KDM5A: variants seen among roughly 807,000 people sequenced by gnomAD.
KDM5A encodes the protein lysine demethylase 5A, also known as lysine-specific demethylase 5A.
In KDM5A, 42 loss-of-function variants were observed where a neutral mutation model predicts 193.5. The observed-to-expected ratio is 0.22, with a 90% CI of 0.17 to 0.28. The LOEUF (loss-of-function observed/expected upper bound fraction) is 0.28. Among genes scored for constraint, KDM5A ranks in the 10% least tolerant of loss-of-function variants. The pLI, the probability that KDM5A is intolerant of heterozygous loss-of-function variation, is 1.00. For missense variants in KDM5A, 1,692 were observed against 2,055.1 expected, an observed-to-expected ratio of 0.82 and a Z score of 3.42; for synonymous variants, 796 against 718.1, an observed-to-expected ratio of 1.11 and a Z score of -1.73.
At chr12:295,280 GGAAAGA>G (rs372938035) in intron 26 of KDM5A, among the ~76,000 whole-genome samples, 4 of 139,438 alleles carry the variant, frequency 2.9e-5, no homozygotes, top group African/African-American at 1.0e-4. Context: ...AAAAAGGAAA[GGAAAGA>G]AGAAAAAAGA....
rs750684399 is a variant in KDM5A at position 318,394 on chromosome 12, T to G, written c.2609A>C (p.Asp870Ala). Reference protein sequence around the residue: ...AQEAMMDETPDSSKLQMLIDM... With the variant: ...AQEAMMDETPASSKLQMLIDM... Reference sequence around the variant, plus strand: ...TATCAACATCTGGAGTTTGGAAGAATCTGGGGTTTCATCCATCATGGCCTC... The same window carrying G: ...TATCAACATCTGGAGTTTGGAAGAAGCTGGGGTTTCATCCATCATGGCCTC... Residue 870 changes from aspartate (D) to alanine (A), a missense_variant, in exon 19 of 28, where the codon GAT (aspartate) becomes GCT (alanine). Physicochemically the swap from Asp to Ala is moderately radical, Grantham distance 126 (BLOSUM62 -2). Around this residue, in one of 11 missense-constraint regions of KDM5A, gnomAD observed 965 missense variants for 1,061.0 expected, o/e 0.91. Coordinates refer to ENST00000399788, the MANE Select transcript of KDM5A (RefSeq NM_001042603.3). 1.2e-6 allele frequency: 2 copies of G among 1,614,140 alleles called. No homozygotes were observed. The highest frequency in any genetic ancestry group is 1.6e-4 in the Middle Eastern group (1 of 6,062).
At chr12:377,530 GTTC>G (rs1219953620) in intron 3 of KDM5A, among the ~76,000 whole-genome samples, 2 of 151,810 alleles carry the variant, frequency 1.3e-5, no homozygotes, top group Non-Finnish European at 2.9e-5. Context: ...ATATAGCATC[GTTC>G]TTCTCACCAA....
intron 6 of KDM5A, 79 bp downstream of exon 6, chr12:356,353 T>C: frequency 2.3e-6 from 2 of 881,988 alleles, no homozygotes; most frequent in Non-Finnish European, 3.8e-6. Context: ...CAGCACAGAC[T>C]GCAATTCAAG....
chr12:336,089 T>C (rs1052448344), intron 10 of KDM5A, among the ~76,000 whole-genome samples: 12 of 144,252 alleles, frequency 8.3e-5, no homozygotes, highest in Non-Finnish European at 1.6e-4. Context: ...CTGGGCATGG[T>C]GGCTCATGCC....
chr12:344,786 C>T (rs1363353769), intron 10 of KDM5A, among the ~76,000 whole-genome samples: 1 of 152,174 alleles, frequency 6.6e-6, no homozygotes, highest in East Asian at 1.9e-4. Context: ...TGGAAGGGAA[C>T]AACTGGTACC....
At chr12:338,752 A>C (rs1404416122) in intron 10 of KDM5A, among the ~76,000 whole-genome samples, 1 of 152,218 alleles carries the variant, frequency 6.6e-6, no homozygotes, top group African/African-American at 2.4e-5. Context: ...AGCTTTAAAA[A>C]TGAATTAACA....
chr12:303,326 G>A (rs983731835), intron 24 of KDM5A, among the ~76,000 whole-genome samples: 4 of 152,138 alleles, frequency 2.6e-5, no homozygotes, highest in Non-Finnish European at 5.9e-5. Flanking sequence ...GGAATACTAC[G>A]TAGCCATAAA....
rs866189303 is a variant in KDM5A at position 281,547 on chromosome 12, G to A, written c.*3909C>T. 1 of 232,976 alleles carries A rather than the reference G, an allele frequency of 4.3e-6. No individual in the cohort carries two copies. Among genetic ancestry groups the A allele is most frequent in the Admixed American group, 5.6e-5 (1 of 17,758 alleles). 14.4% of individuals were successfully genotyped at this position (232,976 alleles called of 1,614,324 possible). On this transcript the variant is annotated 3_prime_UTR_variant, in exon 28 of 28. Transcript: ENST00000399788. ...GTAATGGTATGACTTAAAAAAAAAG[G>A]AGGAATTTCAAAAGGAGTACTTAAG...
Position 318,465 on chromosome 12 carries a change from A to C in KDM5A, c.2542-4T>G. 6.3e-7 allele frequency: 1 copy of C among 1,599,366 alleles called. No homozygotes were observed. Among genetic ancestry groups the C allele is most frequent in the Non-Finnish European group, 8.6e-7 (1 of 1,166,578 alleles). ...CTTCCACATCATCTAGCAGATTCTG[A>C]AAAGGTCAAAAGAAATAAAAATCAG... On this transcript the variant is annotated splice_polypyrimidine_tract_variant and splice_region_variant and intron_variant, in intron 18 of 27. Coordinates refer to ENST00000399788, the MANE Select transcript of KDM5A (RefSeq NM_001042603.3).
chr12:369,713 G>C (rs1349832449), intron 3 of KDM5A, among the ~76,000 whole-genome samples: 1 of 152,130 alleles, frequency 6.6e-6, no homozygotes, highest in Non-Finnish European at 1.5e-5. Flanking sequence ...GGAAAATAAG[G>C]AAGCCAGTGT....
In KDM5A at chr12:331,811, G is replaced by A. The variant is rs1943869853; in HGVS notation, c.1773+8C>T. The A allele has an allele frequency of 2.5e-6, 4 of 1,613,874 alleles. No individual in the cohort carries two copies. In the South Asian group the frequency reaches 3.3e-5, roughly 13 times the overall value. ...AGACGTACAACAGCCACTTGCTATAGAACAGACCCAGTCAGCAGTACAGAA... is the reference window on the plus strand; with the variant it reads ...AGACGTACAACAGCCACTTGCTATAAAACAGACCCAGTCAGCAGTACAGAA... On this transcript the variant is annotated splice_region_variant and intron_variant, in intron 13 of 27. Coordinates refer to ENST00000399788, the MANE Select transcript of KDM5A (RefSeq NM_001042603.3).
At chr12:355,677 TTTAGTAAGTC>T (rs1320079754) in intron 6 of KDM5A, among the ~76,000 whole-genome samples, 3 of 152,230 alleles carry the variant, frequency 2.0e-5, no homozygotes, top group Non-Finnish European at 4.4e-5. Flanking sequence ...TTACAATGTA[TTTAGTAAGTC>T]TTATTACATG....
chr12:345,480 T>C (rs1023798414), intron 10 of KDM5A, among the ~76,000 whole-genome samples: 2 of 151,174 alleles, frequency 1.3e-5, no homozygotes, highest in African/African-American at 2.4e-5. Flanking sequence ...GCTCAGCACA[T>C]TGCACTTATT....
chr12:333,301 C>T (rs1431547701), intron 12 of KDM5A, 186 bp downstream of exon 12: 6 of 651,258 alleles, frequency 9.2e-6, no homozygotes, highest in Non-Finnish European at 1.6e-5. Context: ...CTCCTATAGT[C>T]CCAGCTACTC....
chr12:336,240 T>C (rs934473226), intron 10 of KDM5A, among the ~76,000 whole-genome samples: 1 of 151,082 alleles, frequency 6.6e-6, no homozygotes, highest in Non-Finnish European at 1.5e-5. Context: ...GCGCCTGTAG[T>C]TCCAGCTACT....
chr12:359,240 C>A (rs994127092), intron 5 of KDM5A, among the ~76,000 whole-genome samples: 1 of 152,086 alleles, frequency 6.6e-6, no homozygotes, highest in Admixed American at 6.6e-5. Context: ...TTTTCTAGCC[C>A]TGACCATTTA....
At chr12:298,692 G>A (rs535298031) in intron 24 of KDM5A, among the ~76,000 whole-genome samples, 1 of 152,232 alleles carries the variant, frequency 6.6e-6, no homozygotes, top group African/African-American at 2.4e-5. Context: ...ACTGGATGGT[G>A]AATGAGTTTG....
chr12:378,097 T>C (rs1380397156), intron 3 of KDM5A, among the ~76,000 whole-genome samples: 1 of 152,136 alleles, frequency 6.6e-6, no homozygotes, highest in Non-Finnish European at 1.5e-5. Flanking sequence ...TCTTTAACAG[T>C]AGGAAATCAG....
In KDM5A at chr12:293,108, C is replaced by A. The variant is rs1406794971; in HGVS notation, c.4517G>T (p.Arg1506Leu). ...VKGKDSSEKKRKRKLEKVEQL... is the reference protein window; with the variant it reads ...VKGKDSSEKKLKRKLEKVEQL... ...CTCTACCTTTTCTAGCTTCCGTTTCCGTTTCTTCTCTGAAGAGTCCTTTCC... is the reference window on the plus strand; with the variant it reads ...CTCTACCTTTTCTAGCTTCCGTTTCAGTTTCTTCTCTGAAGAGTCCTTTCC... The change falls in exon 27 of 28, where the codon CGG (arginine) becomes CTG (leucine). Residue 1506 changes from arginine to leucine, a missense_variant. Coordinates refer to ENST00000399788, the MANE Select transcript of KDM5A (RefSeq NM_001042603.3). 6.3e-7 allele frequency: 1 copy of A among 1,596,926 alleles called. No individual in the cohort carries two copies. Among genetic ancestry groups the A allele is most frequent in the Non-Finnish European group, 8.5e-7 (1 of 1,175,908 alleles).
Sources: allele counts gnomAD v4.1 joint callset (sites outside exome capture counted in the v4.1 genomes callset), GRCh38; gene constraint gnomAD v4.1.1; regional missense constraint gnomAD v4.1.1; transcripts MANE v1.5; gene names NCBI Gene and HGNC (gene_info 2026-07-23, HGNC 2026-07-21).